Variants in SPPL3 observed in about 807,000 individuals in gnomAD.
The protein encoded by SPPL3 is signal peptide peptidase-like 3.
Under a neutral mutation model 42.4 loss-of-function variants are expected in SPPL3, and 5 were observed. That is an observed-to-expected ratio of 0.12 (90% CI 0.06 to 0.25). SPPL3 has a LOEUF of 0.25. SPPL3 is among the 10% of genes least tolerant of loss of function. SPPL3 has a pLI of 1.00. For synonymous variants in SPPL3, 195 were observed against 181.8 expected (o/e 1.07, Z -0.58); for missense variants, 235 against 489.0 (o/e 0.48, Z 4.90).
intron 1 of SPPL3, among the ~76,000 whole-genome samples, chr12:120,881,014 C>T (rs544354893): frequency 8.5e-5 from 13 of 152,102 alleles, no homozygotes; most frequent in African/African-American, 2.9e-4. Context: ...TGAGATACCA[C>T]TTCATACCCA....
At chr12:120,792,561 G>A (rs1048955535) in intron 2 of SPPL3, among the ~76,000 whole-genome samples, 21 of 151,928 alleles carry the variant, frequency 1.4e-4, no homozygotes, top group Admixed American at 3.3e-4. Context: ...TTTGCTGGGC[G>A]TGGTGGTGCG....
At chr12:120,812,801 C>T (rs928735937) in intron 1 of SPPL3, among the ~76,000 whole-genome samples, 2 of 152,244 alleles carry the variant, frequency 1.3e-5, no homozygotes, top group Admixed American at 6.5e-5. Flanking sequence ...CCTCTCTAAG[C>T]TTCAGCTTTT....
chr12:120,879,143 A>G lies in SPPL3; in HGVS notation c.23+24702T>C, dbSNP rs541927964. ...AAAAAAAAAAAAAAAAAAGAATAAGATAATAAAACTAAAATAAAATAAAGC... is the reference window on the plus strand; with the variant it reads ...AAAAAAAAAAAAAAAAAAGAATAAGGTAATAAAACTAAAATAAAATAAAGC... On this transcript the variant is annotated intron_variant, in intron 1 of 10. Coordinates refer to ENST00000353487, the MANE Select transcript of SPPL3 (RefSeq NM_139015.5). Among the ~76,000 whole-genome samples, 51 of 150,796 alleles carry G rather than the reference A, an allele frequency of 3.4e-4. 1 individual carries two copies. Among genetic ancestry groups the G allele is most frequent in the Middle Eastern group, 6.8e-3 (2 of 294 alleles).
At chr12:120,817,959 G>A (rs1291730524) in intron 1 of SPPL3, among the ~76,000 whole-genome samples, 1 of 152,146 alleles carries the variant, frequency 6.6e-6, no homozygotes, top group South Asian at 2.1e-4. Flanking sequence ...GATCAATGGA[G>A]CAGACAGGGA....
intron 1 of SPPL3, among the ~76,000 whole-genome samples, chr12:120,877,609 T>C (rs895470915): frequency 3.3e-5 from 5 of 151,740 alleles, no homozygotes; most frequent in African/African-American, 1.2e-4. Flanking sequence ...GACGAGACCC[T>C]GTCTCTAGTA....
chr12:120,781,502 G>A (rs982719049), intron 6 of SPPL3, among the ~76,000 whole-genome samples: 1 of 144,466 alleles, frequency 6.9e-6, no homozygotes, highest in Non-Finnish European at 1.5e-5. Flanking sequence ...ATATAATATA[G>A]AGCATAATAT....
At chr12:120,856,568 A>G (rs1872466737) in intron 1 of SPPL3, among the ~76,000 whole-genome samples, 1 of 150,420 alleles carries the variant, frequency 6.6e-6, no homozygotes, top group Non-Finnish European at 1.5e-5. Context: ...GAAAATAAAA[A>G]TTTAACTATG....
At chr12:120,876,138 A>G (rs1182688695) in intron 1 of SPPL3, among the ~76,000 whole-genome samples, 1 of 152,062 alleles carries the variant, frequency 6.6e-6, no homozygotes, top group Non-Finnish European at 1.5e-5. Flanking sequence ...ACATTCACCA[A>G]CATGGATCAT....
intron 1 of SPPL3, among the ~76,000 whole-genome samples, chr12:120,893,917 T>C (rs1387921765): frequency 6.6e-6 from 1 of 152,250 alleles, no homozygotes; most frequent in East Asian, 1.9e-4. Context: ...AGCCTAGCCA[T>C]AGTCCCAGAT....
intron 2 of SPPL3, among the ~76,000 whole-genome samples, chr12:120,801,297 TTC>T (rs1209851238): frequency 6.6e-6 from 1 of 152,024 alleles, no homozygotes; most frequent in Non-Finnish European, 1.5e-5. Flanking sequence ...GGGCCTCCTC[TTC>T]TCTCTCTCTC....
At chr12:120,814,581 G>A (rs1044479219) in intron 1 of SPPL3, among the ~76,000 whole-genome samples, 6 of 151,922 alleles carry the variant, frequency 3.9e-5, no homozygotes, top group Non-Finnish European at 7.4e-5. Context: ...AAAACAAGAA[G>A]GAACATTTTC....
intron 6 of SPPL3, 94 bp from the exon 7 acceptor site, chr12:120,769,153 T>G: frequency 7.3e-6 from 7 of 956,084 alleles, no homozygotes; most frequent in East Asian, 2.7e-5. Context: ...GAGTTTGCAA[T>G]TCCCTCAAAA....
chr12:120,789,924 G>GAAA (rs1157602427), intron 3 of SPPL3, among the ~76,000 whole-genome samples: 1 of 146,396 alleles, frequency 6.8e-6, no homozygotes, highest in Admixed American at 6.8e-5. Context: ...GTTTGTTTTT[G>GAAA]AGGTAAACTT....
At chr12:120,872,411 A>G (rs1398391071) in intron 1 of SPPL3, among the ~76,000 whole-genome samples, 1 of 152,194 alleles carries the variant, frequency 6.6e-6, no homozygotes, top group African/African-American at 2.4e-5. Context: ...AAAAGAAGGT[A>G]AATTTTATGA....
chr12:120,860,881 C>T (rs1460734751), intron 1 of SPPL3, among the ~76,000 whole-genome samples: 2 of 152,082 alleles, frequency 1.3e-5, no homozygotes, highest in African/African-American at 4.8e-5. Context: ...CCCCCTACTC[C>T]CCTTCTAGAT....
Position 120,880,319 on chromosome 12 carries a change from C to A in SPPL3, c.23+23526G>T, listed in dbSNP as rs570739484. On this transcript the variant is annotated intron_variant, in intron 1 of 10. Coordinates refer to ENST00000353487, the MANE Select transcript of SPPL3 (RefSeq NM_139015.5). ...ACAAATAAGAGCTAAAACTAAAAACCCTTAGAAGAAAAAAGAGAAGGGCTT... is the reference window on the plus strand; with the variant it reads ...ACAAATAAGAGCTAAAACTAAAAACACTTAGAAGAAAAAAGAGAAGGGCTT... 4.0e-5 allele frequency among the ~76,000 whole-genome samples: 6 copies of A among 151,818 alleles called. No individual in the cohort carries two copies. In the East Asian group the frequency reaches 1.2e-3, roughly 29 times the overall value.
chr12:120,845,831 A>G (rs1336138876), intron 1 of SPPL3, among the ~76,000 whole-genome samples: 1 of 151,814 alleles, frequency 6.6e-6, no homozygotes, highest in African/African-American at 2.4e-5. Context: ...AGCCACCCCA[A>G]TTACTATTTT....
intron 2 of SPPL3, 64 bp from the exon 3 acceptor site, chr12:120,791,621 T>C: frequency 2.8e-6 from 3 of 1,065,234 alleles, no homozygotes; most frequent in Middle Eastern, 2.0e-4. Context: ...AGAAAAGTCA[T>C]ATGACAATAT....
chr12:120,839,318 T>C (rs1296730515), intron 1 of SPPL3, among the ~76,000 whole-genome samples: 1 of 125,584 alleles, frequency 8.0e-6, no homozygotes, highest in African/African-American at 3.1e-5. Context: ...TGAGAACACA[T>C]GGACACAGGA....
Sources: allele counts gnomAD v4.1 joint callset (sites outside exome capture counted in the v4.1 genomes callset), GRCh38; gene constraint gnomAD v4.1.1; transcripts MANE v1.5; gene names NCBI Gene and HGNC (gene_info 2026-07-23, HGNC 2026-07-21).